The following WLS variants were observed in gnomAD, a reference collection of about 807,000 sequenced individuals.
WLS encodes the protein Wnt ligand secretion mediator.
WLS carries 23 observed loss-of-function variants against 62.8 expected under a neutral mutation model. That is an observed-to-expected ratio of 0.37 (90% CI 0.26 to 0.52). The LOEUF (loss-of-function observed/expected upper bound fraction) is 0.52, where lower values mean the gene tolerates loss of function less well. Among genes scored for constraint, WLS ranks in the 20% least tolerant of loss-of-function variants. The probability of loss-of-function intolerance (pLI) is 0.92; values close to 1 mark genes in which losing one functional copy is unlikely to be tolerated. For synonymous variants in WLS, 246 were observed against 244.1 expected (o/e 1.01, Z -0.07); for missense variants, 615 against 697.3 (o/e 0.88, Z 1.33).
chr1:68,124,027 A>ATC (rs774327073), downstream of WLS, among the ~76,000 whole-genome samples: 1 of 152,076 alleles, frequency 6.6e-6, no homozygotes, highest in African/African-American at 2.4e-5. Flanking sequence ...TCATCCAAGA[A>ATC]TCTCTCTCTC....
At chr1:68,115,240 C>A (rs535054092) in intron 11 of WLS, among the ~76,000 whole-genome samples, 1 of 152,312 alleles carries the variant, frequency 6.6e-6, no homozygotes, top group African/African-American at 2.4e-5. Flanking sequence ...TAACCCTCTC[C>A]CTCTCAGGGA....
intron 1 of WLS, among the ~76,000 whole-genome samples, chr1:68,215,944 G>A (rs979037533): frequency 2.6e-5 from 4 of 152,084 alleles, no homozygotes; most frequent in Admixed American, 6.5e-5. Context: ...GATTCCACCC[G>A]GGGAAAGAGA....
chr1:68,135,248 C>T (rs567161930), intron 11 of WLS, among the ~76,000 whole-genome samples: 3 of 151,582 alleles, frequency 2.0e-5, no homozygotes, highest in East Asian at 3.9e-4. Context: ...CTCAAGGGAT[C>T]CTTCTGCCTC....
intron 2 of WLS, among the ~76,000 whole-genome samples, chr1:68,193,560 T>A (rs796686741): frequency 2.7e-5 from 4 of 150,684 alleles, no homozygotes; most frequent in South Asian, 4.2e-4. Context: ...AAAAGACATT[T>A]AAAAAAAAAT....
At chr1:68,182,173 T>C (rs1032973073) in intron 2 of WLS, among the ~76,000 whole-genome samples, 2 of 152,176 alleles carry the variant, frequency 1.3e-5, no homozygotes, top group African/African-American at 2.4e-5. Flanking sequence ...TTTTAAAATC[T>C]TGGAAAGGTT....
intron 5 of WLS, among the ~76,000 whole-genome samples, chr1:68,151,036 G>A (rs527811608): frequency 2.3e-4 from 35 of 152,216 alleles, no homozygotes; most frequent in African/African-American, 7.5e-4. Flanking sequence ...TTTCACTCAC[G>A]GGAGATACAG....
intron 11 of WLS, among the ~76,000 whole-genome samples, chr1:68,116,146 G>C (rs1646288773): frequency 6.6e-6 from 1 of 152,222 alleles, no homozygotes; most frequent in Non-Finnish European, 1.5e-5. Flanking sequence ...AGGGTTCACA[G>C]GACCTTACAA....
Position 68,126,007 on chromosome 1 carries a change from TTTG to T in WLS, c.*216_*218del, listed in dbSNP as rs1399133909. 6 of 1,358,942 alleles carry T rather than the reference TTTG, an allele frequency of 4.4e-6. No individual in the cohort carries two copies. The African/African-American group carries it at 5.9e-5, about 13-fold the overall frequency. The allele number at this position is 1,358,942 out of a possible 1,614,324, so 84.2% of individuals were successfully genotyped here. On this transcript the variant is annotated 3_prime_UTR_variant, in exon 12 of 12. Coordinates refer to ENST00000262348, the MANE Select transcript of WLS (RefSeq NM_024911.7). The stretch of plus-strand genomic sequence containing the variant: ...ACAGAAAATGTGTCATACCAGAGTT[TTTG>T]TTATCATACACAATGCATTAGTGGC...
chr1:68,148,184 C>G lies in WLS; in HGVS notation c.1086G>C (p.Thr362=). Residue 362 remains threonine, a synonymous_variant, in exon 8 of 12, where the codon ACG becomes ACC. Transcript: ENST00000262348. ...TAGTCCAGATACTGTAGAAGGGATT[C>G]GTGAGTTGTACCCCTCTACAAAGAA... ...FDMCERGVQL[T]NPFYSIWTTD... 1 of 1,614,114 alleles carries G rather than the reference C, an allele frequency of 6.2e-7. No individual in the cohort carries two copies. Among genetic ancestry groups the G allele is most frequent in the Non-Finnish European group, 8.5e-7 (1 of 1,180,012 alleles).
At chr1:68,179,491 C>G (rs186688710) in intron 2 of WLS, among the ~76,000 whole-genome samples, 30 of 152,344 alleles carry the variant, frequency 2.0e-4, no homozygotes, top group African/African-American at 7.0e-4. Context: ...TGTCCTCACT[C>G]TGCCAGATAT....
chr1:68,189,327 G>GA lies in WLS; in HGVS notation c.379+4627dup, dbSNP rs139643021. 1.1e-4 allele frequency among the ~76,000 whole-genome samples: 16 copies of GA among 151,344 alleles called. No individual in the cohort carries two copies. The South Asian group carries it at 2.5e-3, about 24-fold the overall frequency. On this transcript the variant is annotated intron_variant, in intron 2 of 11. Transcript: ENST00000262348. ...GAAGATGAAAGTTCTCAACTTAAAA[G>GA]AAAAAAAAATCTTATGCTGAGGTTG...
chr1:68,140,414 A>G (rs1646669269), intron 10 of WLS, among the ~76,000 whole-genome samples: 1 of 152,250 alleles, frequency 6.6e-6, no homozygotes, highest in Non-Finnish European at 1.5e-5. Context: ...TACATTACAA[A>G]TACAACATAC....
chr1:68,133,443 GGCT>G (rs1431060174), intron 11 of WLS, among the ~76,000 whole-genome samples: 2 of 152,114 alleles, frequency 1.3e-5, no homozygotes, highest in African/African-American at 4.8e-5. Flanking sequence ...CCCCAGACCA[GGCT>G]AAAGACCCCT....
chr1:68,107,856 T>C (rs1557444267), intron 11 of WLS, among the ~76,000 whole-genome samples: 1 of 152,002 alleles, frequency 6.6e-6, no homozygotes, highest in Non-Finnish European at 1.5e-5. Flanking sequence ...GACCCGGGTC[T>C]GCGGGACACA....
intron 11 of WLS, among the ~76,000 whole-genome samples, chr1:68,128,340 G>T (rs1646466371): frequency 6.6e-6 from 1 of 152,160 alleles, no homozygotes; most frequent in African/African-American, 2.4e-5. Flanking sequence ...TCAAGCACAA[G>T]CAGTCTAAGC....
intron 2 of WLS, among the ~76,000 whole-genome samples, chr1:68,174,511 TGAAGCATATGTGTGTGTGAGAGAATGG>T (rs1399337306): frequency 1.3e-5 from 2 of 152,122 alleles, no homozygotes; most frequent in Admixed American, 1.3e-4. Flanking sequence ...AGAAGGTGGA[TGAAGCATATGTGTGTGTGAGAGAATGG>T]GAAGCATAAT....
At chr1:68,219,620 T>A (rs1309773661) in intron 1 of WLS, among the ~76,000 whole-genome samples, 1 of 152,184 alleles carries the variant, frequency 6.6e-6, no homozygotes, top group African/African-American at 2.4e-5. Flanking sequence ...TATTCACCTC[T>A]TCAACAGATA....
chr1:68,164,324 T>C (rs1434213259), intron 2 of WLS, among the ~76,000 whole-genome samples: 1 of 152,042 alleles, frequency 6.6e-6, no homozygotes, highest in East Asian at 1.9e-4. Context: ...AATGGCATGA[T>C]CTCGGCTCAC....
rs566759851 is a variant in WLS at position 68,202,547 on chromosome 1, T to C, written c.107-8320A>G. The C allele has an allele frequency of 2.6e-5, 4 of 152,226 alleles. No individual in the cohort carries two copies. The East Asian group carries it at 7.7e-4, about 29-fold the overall frequency. 9.4% of individuals were successfully genotyped at this position (152,226 alleles called of 1,614,324 possible). On this transcript the variant is annotated intron_variant, in intron 1 of 11. Transcript: ENST00000262348. Reference sequence around the variant, plus strand: ...CCAGAAATACTCAAAACAGCAAAAATTAAATACATATGAAGTGAACACAAA... The same window carrying C: ...CCAGAAATACTCAAAACAGCAAAAACTAAATACATATGAAGTGAACACAAA...
Sources: allele counts gnomAD v4.1 joint callset (sites outside exome capture counted in the v4.1 genomes callset), GRCh38; gene constraint gnomAD v4.1.1; transcripts MANE v1.5; gene names NCBI Gene and HGNC (gene_info 2026-07-23, HGNC 2026-07-21).